The following LEF1 variants were observed in gnomAD, a reference collection of about 807,000 sequenced individuals.
The protein encoded by LEF1 is lymphoid enhancer-binding factor 1.
In LEF1, 14 loss-of-function variants were observed where a neutral mutation model predicts 51.2. The observed-to-expected ratio is 0.27, with a 90% CI of 0.18 to 0.43. The LOEUF (loss-of-function observed/expected upper bound fraction) is 0.43. Ranked by LOEUF, LEF1 falls within the 20% of genes least tolerant of loss-of-function variation. The probability of loss-of-function intolerance (pLI) is 1.00; values close to 1 mark genes in which losing one functional copy is unlikely to be tolerated. For missense variants in LEF1, 386 were observed against 512.0 expected, an observed-to-expected ratio of 0.75 and a Z score of 2.37; for synonymous variants, 185 against 183.2, an observed-to-expected ratio of 1.01 and a Z score of -0.08.
chr4:108,098,457 C>G (rs1326333069), intron 3 of LEF1, among the ~76,000 whole-genome samples: 1 of 151,200 alleles, frequency 6.6e-6, no homozygotes, highest in Non-Finnish European at 1.5e-5. Context: ...GTGCAAAATT[C>G]CATAAGCGAA....
chr4:108,079,604 G>T lies in LEF1; in HGVS notation c.733C>A (p.His245Asn). The T allele has an allele frequency of 6.2e-7, 1 of 1,614,100 alleles. No individual in the cohort carries two copies. Among genetic ancestry groups the T allele is most frequent in the Non-Finnish European group, 8.5e-7 (1 of 1,179,994 alleles). Residue 245 changes from histidine to asparagine, a missense_variant, in exon 7 of 12, where the codon CAT becomes AAT. His to Asn is a moderately conservative substitution (Grantham distance 68). Around this residue, in one of 2 missense-constraint regions of LEF1, gnomAD observed 335 missense variants for 390.7 expected, o/e 0.86. Transcript: ENST00000265165. ...GGACCAGGAGGACCGGGAATCATATGATGGGAAAACCTGAAAGGAGGAAAG... is the reference window on the plus strand; with the variant it reads ...GGACCAGGAGGACCGGGAATCATATTATGGGAAAACCTGAAAGGAGGAAAG... ...VDTSMSRFSH[H>N]MIPGPPGPHT...
intron 3 of LEF1, among the ~76,000 whole-genome samples, chr4:108,120,552 T>C (rs1449878485): frequency 6.6e-6 from 1 of 152,198 alleles, no homozygotes; most frequent in Non-Finnish European, 1.5e-5. Flanking sequence ...TTTTTAAAGG[T>C]CAGCTGCAAT....
At chr4:108,093,566 C>T (rs933886770) in intron 3 of LEF1, among the ~76,000 whole-genome samples, 2 of 152,062 alleles carry the variant, frequency 1.3e-5, no homozygotes, top group African/African-American at 4.8e-5. Flanking sequence ...TCCAGCTTTA[C>T]GAGATACCTG....
At chr4:108,141,798 G>A (rs967140619) in intron 3 of LEF1, among the ~76,000 whole-genome samples, 1 of 152,030 alleles carries the variant, frequency 6.6e-6, no homozygotes, top group African/African-American at 2.4e-5. Context: ...TGACATCACC[G>A]ATAGCTGTTT....
intron 3 of LEF1, among the ~76,000 whole-genome samples, chr4:108,149,527 TAAC>T (rs1744227149): frequency 6.9e-6 from 1 of 145,024 alleles, no homozygotes; most frequent in Non-Finnish European, 1.5e-5. Flanking sequence ...GTATTTAAAA[TAAC>T]AACAAAAAAA....
At chr4:108,125,699 A>G (rs1343185096) in intron 3 of LEF1, among the ~76,000 whole-genome samples, 1 of 151,742 alleles carries the variant, frequency 6.6e-6, no homozygotes, top group Non-Finnish European at 1.5e-5. Context: ...TGCTTGGTAC[A>G]TAACACACCT....
chr4:108,112,144 C>A (rs1352454041), intron 3 of LEF1, among the ~76,000 whole-genome samples: 3 of 152,126 alleles, frequency 2.0e-5, no homozygotes, highest in Non-Finnish European at 2.9e-5. Context: ...GTTGGGAGGT[C>A]AGGCATTGAT....
At chr4:108,121,691 G>C (rs1038617807) in intron 3 of LEF1, among the ~76,000 whole-genome samples, 1 of 152,168 alleles carries the variant, frequency 6.6e-6, no homozygotes, top group Admixed American at 6.5e-5. Context: ...AGGACTGCTA[G>C]CAGCAAAGGC....
At chr4:108,166,791 A>G in intron 1 of LEF1, 1 of 985,962 alleles carries the variant, frequency 1.0e-6, no homozygotes, top group Non-Finnish European at 1.2e-6. Context: ...CCAAACCCCA[A>G]ATAAAAGTTG....
In LEF1 at chr4:108,163,680, A is replaced by G. The variant is rs775891624; in HGVS notation, c.302T>C (p.Leu101Pro). Reference protein sequence around the residue: ...PDDGKHPDGGLYNKGPSYSSY... With the variant: ...PDDGKHPDGGPYNKGPSYSSY... Reference sequence around the variant, plus strand: ...CGAGTAGGAGGGTCCCTTGTTGTAGAGGCCTCCATCTGGATGCTTTCCTGG... The same window carrying G: ...CGAGTAGGAGGGTCCCTTGTTGTAGGGGCCTCCATCTGGATGCTTTCCTGG... The change falls in exon 3 of 12, where the codon CTC (leucine) becomes CCC (proline). Residue 101 changes from leucine (L) to proline (P), a missense_variant. By Grantham distance (98) the Leu-to-Pro change is moderately conservative. Around this residue, in one of 2 missense-constraint regions of LEF1, gnomAD observed 335 missense variants for 390.7 expected, o/e 0.86. Transcript: ENST00000265165. 32 of 1,613,770 alleles carry G rather than the reference A, an allele frequency of 2.0e-5. No individual in the cohort carries two copies. The highest frequency in any genetic ancestry group is 2.6e-5 in the Non-Finnish European group (31 of 1,179,816).
chr4:108,089,938 TA>T (rs1301283462), intron 3 of LEF1, among the ~76,000 whole-genome samples: 1 of 152,174 alleles, frequency 6.6e-6, no homozygotes, highest in Non-Finnish European at 1.5e-5. Context: ...CATTAATTGA[TA>T]AAAAGGAATT....
chr4:108,070,082 T>C (rs1254103663), intron 9 of LEF1, among the ~76,000 whole-genome samples: 1 of 152,100 alleles, frequency 6.6e-6, no homozygotes, highest in Non-Finnish European at 1.5e-5. Flanking sequence ...ACATATTCAT[T>C]GAAGGAATAT....
At chr4:108,113,724 C>G (rs922378421) in intron 3 of LEF1, among the ~76,000 whole-genome samples, 1 of 152,082 alleles carries the variant, frequency 6.6e-6, no homozygotes, top group African/African-American at 2.4e-5. Context: ...AGGGTGGGAC[C>G]ATGGATAAAT....
intron 8 of LEF1, among the ~76,000 whole-genome samples, chr4:108,077,282 C>T (rs1310829822): frequency 2.0e-5 from 3 of 152,032 alleles, no homozygotes; most frequent in African/African-American, 7.2e-5. Flanking sequence ...GTGCCTCTGC[C>T]TGGCCGCCCA....
chr4:108,095,331 C>G (rs1740310869), intron 3 of LEF1, among the ~76,000 whole-genome samples: 1 of 152,178 alleles, frequency 6.6e-6, no homozygotes, highest in Non-Finnish European at 1.5e-5. Flanking sequence ...TATACTCTGG[C>G]ACTCGTCCAT....
In LEF1 at chr4:108,167,543, C is replaced by T; in HGVS notation, c.213+12G>A. The T allele has an allele frequency of 6.2e-7, 1 of 1,613,064 alleles. No homozygotes were observed. On this transcript the variant is annotated intron_variant, in intron 1 of 11. Transcript: ENST00000265165. The surrounding 1 kb of genome is among the most constrained non-coding windows in gnomAD (Gnocchi z 5.7). Reference sequence around the variant, plus strand: ...GCCACGCCTCTCGGAACTGGGGCAGCGGCCCGCTCACCTCGTGTCCGTTGC... The same window carrying T: ...GCCACGCCTCTCGGAACTGGGGCAGTGGCCCGCTCACCTCGTGTCCGTTGC...
chr4:108,136,524 AG>A (rs898734823), intron 3 of LEF1, among the ~76,000 whole-genome samples: 1 of 148,676 alleles, frequency 6.7e-6, no homozygotes, highest in African/African-American at 2.5e-5. Context: ...TAACAATTCC[AG>A]GTTTGGATAC....
chr4:108,095,839 T>C (rs987142410), intron 3 of LEF1, among the ~76,000 whole-genome samples: 6 of 152,134 alleles, frequency 3.9e-5, no homozygotes, highest in Non-Finnish European at 5.9e-5. Context: ...AGACCCATTG[T>C]TTTCAGTAAC....
intron 3 of LEF1, among the ~76,000 whole-genome samples, chr4:108,099,003 A>G (rs1434601408): frequency 6.6e-6 from 1 of 152,228 alleles, no homozygotes; most frequent in Non-Finnish European, 1.5e-5. Context: ...CATTAGGTCG[A>G]GCCCTTGAAA....
Sources: gnomAD v4.1 joint callset for allele counts (sites outside exome capture counted in the v4.1 genomes callset) on GRCh38, gnomAD v4.1.1 for gene constraint, gnomAD v4.1.1 regional missense constraint, Gnocchi (gnomAD v3.1) non-coding constraint, MANE v1.5 for transcripts, NCBI Gene and HGNC (gene_info 2026-07-23, HGNC 2026-07-21) for gene names.